Variants in TDRD12 observed in about 807,000 individuals in gnomAD.
TDRD12 encodes tudor domain containing 12.
A neutral mutation model predicts 133.5 loss-of-function variants in TDRD12; 158 were observed. The observed-to-expected ratio is 1.18, with a 90% CI of 1.04 to 1.35. The LOEUF (loss-of-function observed/expected upper bound fraction) is 1.35. Among genes scored for constraint, TDRD12 ranks in the 40% most tolerant of loss-of-function variants. The pLI is 0.00. For missense variants in TDRD12, 1,443 were observed against 1,321.3 expected (o/e 1.09, Z -1.43); for synonymous variants, 460 against 477.9 (o/e 0.96, Z 0.49).
Position 32,810,404 on chromosome 19 carries a change from C to T in TDRD12, c.2837+127C>T, listed in dbSNP as rs1295937045. ...TGTGAGCCTGGTGACAGCGGGGTGTCCCCCCAGATGCCTGCTCCAGTTCTT... is the reference window on the plus strand; with the variant it reads ...TGTGAGCCTGGTGACAGCGGGGTGTTCCCCCAGATGCCTGCTCCAGTTCTT... On this transcript the variant is annotated intron_variant, in intron 23 of 27. Coordinates refer to ENST00000444215, the Ensembl canonical transcript of TDRD12. The T allele has an allele frequency of 5.6e-6, 4 of 719,306 alleles. No individual in the cohort carries two copies. The East Asian group carries it at 8.6e-5, about 15-fold the overall frequency. 44.6% of individuals were successfully genotyped at this position (719,306 alleles called of 1,614,324 possible). A position where few individuals can be genotyped will look rare whatever the true frequency, so the allele number is the denominator to read the frequency against.
chr19:32,788,329 C>G (rs1344821483), intron 11 of TDRD12, among the ~76,000 whole-genome samples: 1 of 151,988 alleles, frequency 6.6e-6, no homozygotes, highest in Non-Finnish European at 1.5e-5. Context: ...CCAGGCTGGT[C>G]TCAAACTCCT....
At chr19:32,800,436 G>A in intron 17 of TDRD12, 78 bp downstream of exon 17, 1 of 1,161,544 alleles carries the variant, frequency 8.6e-7, no homozygotes, top group Non-Finnish European at 1.2e-6. Flanking sequence ...ACACAAGCAA[G>A]TAACTTTTAT....
intron 2 of TDRD12, among the ~76,000 whole-genome samples, chr19:32,735,640 A>G (rs539330062): frequency 6.6e-6 from 1 of 152,338 alleles, no homozygotes; most frequent in East Asian, 1.9e-4. Context: ...ACAGCCTTCT[A>G]TTGGAGAAGA....
chr19:32,805,464 G>T (rs1458669278), intron 21 of TDRD12, among the ~76,000 whole-genome samples: 1 of 151,672 alleles, frequency 6.6e-6, no homozygotes, highest in East Asian at 1.9e-4. Flanking sequence ...ATGGATAATG[G>T]TTTGCTCCAG....
intron 1 of TDRD12, among the ~76,000 whole-genome samples, chr19:32,726,083 ATT>A (rs767630780): frequency 4.2e-5 from 6 of 144,548 alleles, no homozygotes; most frequent in Non-Finnish European, 4.6e-5. Context: ...TACATTCATA[ATT>A]TTTTTTTTTT....
At chr19:32,757,555 G>A (rs1430743345) in intron 8 of TDRD12, among the ~76,000 whole-genome samples, 2 of 152,182 alleles carry the variant, frequency 1.3e-5, no homozygotes, top group Admixed American at 1.3e-4. Flanking sequence ...GCTGGGTGAG[G>A]GTGAAATTTT....
At chr19:32,731,652 G>A in intron 1 of TDRD12, 73 bp from the exon 2 acceptor site, 2 of 1,312,966 alleles carry the variant, frequency 1.5e-6, no homozygotes, top group Non-Finnish European at 2.0e-6. Context: ...CAGTAATCGT[G>A]GCTCTAAAGT....
intron 11 of TDRD12, among the ~76,000 whole-genome samples, chr19:32,788,252 C>G (rs993993761): frequency 6.6e-6 from 1 of 151,830 alleles, no homozygotes; most frequent in African/African-American, 2.4e-5. Flanking sequence ...TCTGGGATTA[C>G]AGGTGCCTGC....
At position 32,746,012 on chromosome 19, in the gene TDRD12, G is replaced by C. The variant is rs1409660310; in HGVS notation, c.441-2464G>C. ...TGTGTGTGTGTGTGAGAGAGAGAAG[G>C]AGAGAGACTGGCTGATGTGGTTATT... On this transcript the variant is annotated intron_variant, in intron 4 of 27. Coordinates refer to ENST00000444215, the Ensembl canonical transcript of TDRD12. Among the ~76,000 whole-genome samples, 3 of 148,110 alleles carry C rather than the reference G, an allele frequency of 2.0e-5. No individual in the cohort carries two copies. The East Asian group carries it at 6.1e-4, about 30-fold the overall frequency.
At chr19:32,721,683 T>G (rs1349328018) in intron 1 of TDRD12, among the ~76,000 whole-genome samples, 2 of 88,436 alleles carry the variant, frequency 2.3e-5, no homozygotes, top group African/African-American at 1.0e-4. Flanking sequence ...CCTGGCCTAT[T>G]TTATTTTATT....
chr19:32,729,932 A>G (rs57837246), intron 1 of TDRD12, among the ~76,000 whole-genome samples: 211 of 144,122 alleles, frequency 1.5e-3, no homozygotes, highest in East Asian at 8.7e-3. Context: ...CTGGGACTAC[A>G]GGTATCTGCC....
chr19:32,750,651 GA>G (rs1357370611), intron 6 of TDRD12, among the ~76,000 whole-genome samples: 2 of 152,110 alleles, frequency 1.3e-5, no homozygotes, highest in Non-Finnish European at 2.9e-5. Flanking sequence ...TCTGATGTAG[GA>G]TCTGCTCCAG....
At chr19:32,745,376 T>TA (rs1969571448) in intron 4 of TDRD12, among the ~76,000 whole-genome samples, 2 of 152,216 alleles carry the variant, frequency 1.3e-5, no homozygotes, top group African/African-American at 4.8e-5. Context: ...CCTTTGTGTT[T>TA]GTGTTTTATG....
Position 32,773,542 on chromosome 19 carries a change from G to C in TDRD12, c.1040+10G>C. 1 of 1,551,258 alleles carries C rather than the reference G, an allele frequency of 6.4e-7. No homozygotes were observed. The highest frequency in any genetic ancestry group is 2.4e-5 in the East Asian group (1 of 40,896). Reference sequence around the variant, plus strand: ...ATGTACCAGAAGCAAGGTATGATTTGAAAATTCAAACTGGGTGTGGTGGCG... The same window carrying C: ...ATGTACCAGAAGCAAGGTATGATTTCAAAATTCAAACTGGGTGTGGTGGCG... On this transcript the variant is annotated intron_variant, in intron 10 of 27. Coordinates refer to ENST00000444215, the Ensembl canonical transcript of TDRD12.
At chr19:32,725,606 T>C (rs1968833463) in intron 1 of TDRD12, among the ~76,000 whole-genome samples, 2 of 152,212 alleles carry the variant, frequency 1.3e-5, no homozygotes, top group Admixed American at 6.5e-5. Flanking sequence ...CATGCTGTTT[T>C]GGTTACTGTA....
intron 1 of TDRD12, among the ~76,000 whole-genome samples, chr19:32,727,808 A>G (rs1289859899): frequency 6.6e-6 from 1 of 152,094 alleles, no homozygotes; most frequent in Non-Finnish European, 1.5e-5. Context: ...AGCTGGGATT[A>G]CGGGCATGTA....
At chr19:32,769,896 A>G (rs1970399052) in intron 8 of TDRD12, among the ~76,000 whole-genome samples, 1 of 152,108 alleles carries the variant, frequency 6.6e-6, no homozygotes, top group African/African-American at 2.4e-5. Context: ...TCAGCCTCCC[A>G]AAGTGTTGGG....
At chr19:32,773,172 C>G (rs770163452) in intron 9 of TDRD12, among the ~76,000 whole-genome samples, 2 of 152,200 alleles carry the variant, frequency 1.3e-5, no homozygotes, top group Non-Finnish European at 2.9e-5. Flanking sequence ...CTAATCTGCT[C>G]TCCGTCCCTT....
chr19:32,771,801 G>A (rs1209412884), intron 8 of TDRD12, among the ~76,000 whole-genome samples: 2 of 152,064 alleles, frequency 1.3e-5, no homozygotes, highest in Non-Finnish European at 2.9e-5. Context: ...GCAGACTTGG[G>A]TTCCAAATTA....
Sources: gnomAD v4.1 joint callset for allele counts (sites outside exome capture counted in the v4.1 genomes callset) on GRCh38, gnomAD v4.1.1 for gene constraint, MANE v1.5 for transcripts, NCBI Gene and HGNC (gene_info 2026-07-23, HGNC 2026-07-21) for gene names.